Variants in ZNF385D observed in about 807,000 individuals in gnomAD.
ZNF385D encodes the protein zinc finger protein 659.
In ZNF385D, 15 loss-of-function variants were observed where a neutral mutation model predicts 35.8. The ratio of observed to expected loss-of-function variants is 0.42; its 90% CI spans 0.28 to 0.64. The LOEUF (loss-of-function observed/expected upper bound fraction) is 0.64. Among genes scored for constraint, ZNF385D ranks in the 30% least tolerant of loss-of-function variants. ZNF385D has a pLI of 0.23. For missense variants in ZNF385D, 474 were observed against 494.6 expected, an observed-to-expected ratio of 0.96 and a Z score of 0.39; for synonymous variants, 212 against 186.8, an observed-to-expected ratio of 1.13 and a Z score of -1.10.
intron 2 of ZNF385D, among the ~76,000 whole-genome samples, chr3:22,371,202 A>G (rs1006185160): frequency 1.3e-5 from 2 of 152,212 alleles, no homozygotes; most frequent in African/African-American, 4.8e-5. Flanking sequence ...GAGTGGCACG[A>G]CAACCCAGAG....
intron 4 of ZNF385D, among the ~76,000 whole-genome samples, chr3:21,448,503 A>C (rs1702277150): frequency 6.6e-6 from 1 of 152,186 alleles, no homozygotes; most frequent in Admixed American, 6.5e-5. Context: ...TGTTGTGTTA[A>C]TATATTTCAG....
chr3:21,825,070 A>C (rs1694511304), intron 3 of ZNF385D, among the ~76,000 whole-genome samples: 1 of 152,200 alleles, frequency 6.6e-6, no homozygotes, highest in Admixed American at 6.5e-5. Context: ...TTCAGTTTGT[A>C]ATTATCAGTA....
chr3:21,821,660 G>C (rs1350785007), intron 3 of ZNF385D, among the ~76,000 whole-genome samples: 1 of 152,104 alleles, frequency 6.6e-6, no homozygotes, highest in Admixed American at 6.5e-5. Flanking sequence ...AAGGGGACTT[G>C]ATTGCAAAAA....
chr3:22,140,229 T>C (rs1704420063), intron 3 of ZNF385D, among the ~76,000 whole-genome samples: 2 of 152,152 alleles, frequency 1.3e-5, no homozygotes, highest in South Asian at 4.1e-4. Context: ...ATCTATACAA[T>C]GAAATAATAC....
At chr3:21,521,107 A>G (rs1005658469) in intron 3 of ZNF385D, among the ~76,000 whole-genome samples, 1 of 152,182 alleles carries the variant, frequency 6.6e-6, no homozygotes, top group Non-Finnish European at 1.5e-5. Context: ...TGTTCCTTTT[A>G]TGAACTTGCC....
chr3:21,561,073 C>T (rs2062927488), intron 3 of ZNF385D, among the ~76,000 whole-genome samples: 1 of 152,218 alleles, frequency 6.6e-6, no homozygotes, highest in East Asian at 1.9e-4. Flanking sequence ...GGATCTTAGC[C>T]TGCTGGGCTC....
intron 3 of ZNF385D, among the ~76,000 whole-genome samples, chr3:21,819,439 C>A (rs2073296196): frequency 6.7e-6 from 1 of 149,452 alleles, no homozygotes. Flanking sequence ...CCACCCAAAA[C>A]CTGACTATTA....
At chr3:21,910,770 A>G (rs1391321040) in intron 3 of ZNF385D, among the ~76,000 whole-genome samples, 1 of 151,814 alleles carries the variant, frequency 6.6e-6, no homozygotes, top group Non-Finnish European at 1.5e-5. Flanking sequence ...CGGAATACAA[A>G]GAATACTAGA....
intron 3 of ZNF385D, among the ~76,000 whole-genome samples, chr3:21,885,454 C>T (rs142191982): frequency 1.3e-4 from 20 of 151,822 alleles, no homozygotes; most frequent in African/African-American, 4.1e-4. Flanking sequence ...CACAAGTTTA[C>T]GTAGATTTTA....
chr3:21,567,257 A>T (rs954292288), intron 2 of ZNF385D, among the ~76,000 whole-genome samples: 1 of 152,214 alleles, frequency 6.6e-6, no homozygotes, highest in Non-Finnish European at 1.5e-5. Flanking sequence ...AAATTACAGT[A>T]TCTCTTCCTT....
At chr3:21,517,256 A>G (rs1190753099) in intron 3 of ZNF385D, among the ~76,000 whole-genome samples, 3 of 152,126 alleles carry the variant, frequency 2.0e-5, no homozygotes, top group Admixed American at 6.6e-5. Flanking sequence ...TGCTGTGTCC[A>G]GACACCCTGA....
In ZNF385D at chr3:21,734,387, T is replaced by A. The variant is rs948270557; in HGVS notation, c.22+16508A>T. Among the ~76,000 whole-genome samples the A allele has an allele frequency of 1.3e-4, 20 of 152,186 alleles. No homozygotes were observed. In the Middle Eastern group the frequency reaches 0.014, roughly 104 times the overall value. On this transcript the variant is annotated intron_variant, in intron 1 of 7. Coordinates refer to ENST00000281523, the MANE Select transcript of ZNF385D (RefSeq NM_024697.3). ...GTTTTTCTTTTTTAAAAAACTTTTATTTTAGATGGTCATCCTAAAGAAGGT... is the reference window on the plus strand; with the variant it reads ...GTTTTTCTTTTTTAAAAAACTTTTAATTTAGATGGTCATCCTAAAGAAGGT...
chr3:21,773,473 A>G (rs530166630), intron 3 of ZNF385D, among the ~76,000 whole-genome samples: 13 of 152,048 alleles, frequency 8.5e-5, no homozygotes, highest in African/African-American at 3.1e-4. Flanking sequence ...ACATCAGAGT[A>G]AACAGACAAC....
At chr3:21,890,706 T>C (rs1288159530) in intron 3 of ZNF385D, among the ~76,000 whole-genome samples, 1 of 152,146 alleles carries the variant, frequency 6.6e-6, no homozygotes, top group Non-Finnish European at 1.5e-5. Flanking sequence ...TGCTATTTTC[T>C]TAAGGAAGTA....
chr3:21,464,915 G>A (rs1489451603), intron 4 of ZNF385D, among the ~76,000 whole-genome samples: 1 of 152,058 alleles, frequency 6.6e-6, no homozygotes, highest in African/African-American at 2.4e-5. Context: ...CCTACTCTCT[G>A]CCTTCTCAGT....
At chr3:21,732,447 T>C (rs1313446245) in intron 1 of ZNF385D, among the ~76,000 whole-genome samples, 1 of 152,074 alleles carries the variant, frequency 6.6e-6, no homozygotes, top group Non-Finnish European at 1.5e-5. Context: ...AGAAGTTTAG[T>C]TTTGTAAGAA....
At chr3:22,312,929 G>A (rs1040639475) in intron 2 of ZNF385D, among the ~76,000 whole-genome samples, 2 of 135,590 alleles carry the variant, frequency 1.5e-5, no homozygotes, top group African/African-American at 3.0e-5. Context: ...TATAAATCAT[G>A]CTGCTATAAA....
At chr3:21,882,620 C>T (rs1037629517) in intron 3 of ZNF385D, among the ~76,000 whole-genome samples, 1 of 152,066 alleles carries the variant, frequency 6.6e-6, no homozygotes, top group East Asian at 1.9e-4. Flanking sequence ...GGGAAACATC[C>T]CAGAACTTGT....
At chr3:22,324,741 CA>C (rs1467745817) in intron 2 of ZNF385D, among the ~76,000 whole-genome samples, 2 of 152,116 alleles carry the variant, frequency 1.3e-5, no homozygotes, top group Non-Finnish European at 2.9e-5. Flanking sequence ...AAAAGAAATC[CA>C]TTACTGCCTT....
Sources: allele counts gnomAD v4.1 joint callset (sites outside exome capture counted in the v4.1 genomes callset), GRCh38; gene constraint gnomAD v4.1.1; transcripts MANE v1.5; gene names NCBI Gene and HGNC (gene_info 2026-07-23, HGNC 2026-07-21).